PALM2AKAP2: variants seen among roughly 807,000 people sequenced by gnomAD.
The protein encoded by PALM2AKAP2 is PALM2 and AKAP2 fusion, also known as PALM2-AKAP2 fusion protein.
Under a neutral mutation model 71.5 loss-of-function variants are expected in PALM2AKAP2, and 37 were observed. The ratio of observed to expected loss-of-function variants is 0.52; its 90% CI spans 0.40 to 0.68. The LOEUF (loss-of-function observed/expected upper bound fraction) is 0.68. Among genes scored for constraint, PALM2AKAP2 ranks in the 30% least tolerant of loss-of-function variants. The probability of loss-of-function intolerance (pLI) is 0.00; values close to 1 mark genes in which losing one functional copy is unlikely to be tolerated. For synonymous variants in PALM2AKAP2, 468 were observed against 478.8 expected (o/e 0.98, Z 0.29); for missense variants, 1,224 against 1,191.8 (o/e 1.03, Z -0.40).
At chr9:110,118,208 T>TACACACAC (rs112722146) in intron 1 of PALM2AKAP2, among the ~76,000 whole-genome samples, 1 of 149,068 alleles carries the variant, frequency 6.7e-6, no homozygotes, top group Non-Finnish European at 1.5e-5. Context: ...TACAGAAATA[T>TACACACAC]ACACACACAC....
At chr9:109,750,428 G>A (rs1456451667) in intron 1 of PALM2AKAP2, among the ~76,000 whole-genome samples, 2 of 151,976 alleles carry the variant, frequency 1.3e-5, no homozygotes, top group Non-Finnish European at 2.9e-5. Context: ...TAATGTAAAG[G>A]AAAAAGAGGA....
intron 1 of PALM2AKAP2, among the ~76,000 whole-genome samples, chr9:109,816,857 A>G (rs2131468185): frequency 6.6e-6 from 1 of 152,244 alleles, no homozygotes; most frequent in East Asian, 1.9e-4. Context: ...AAAGTGCCAA[A>G]CCCACTTCCT....
chr9:109,942,962 A>G, intron 6 of PALM2AKAP2: 1 of 1,614,210 alleles, frequency 6.2e-7, no homozygotes, highest in Non-Finnish European at 8.5e-7. Context: ...GTGATTGCAG[A>G]TGGGAGCCTC....
At chr9:110,077,318 T>G (rs146911386) in intron 1 of PALM2AKAP2, among the ~76,000 whole-genome samples, 1 of 152,188 alleles carries the variant, frequency 6.6e-6, no homozygotes, top group African/African-American at 2.4e-5. Flanking sequence ...ACTTGGCACA[T>G]TGCAAGTACA....
chr9:110,135,152 C>CCA (rs1835819218), intron 1 of PALM2AKAP2, among the ~76,000 whole-genome samples: 1 of 27,030 alleles, frequency 3.7e-5, no homozygotes, highest in Admixed American at 4.1e-4. Context: ...TCTGTCTCTA[C>CCA]AAAAAAAAAA....
rs189771566 is a variant in PALM2AKAP2 at position 110,171,187 on chromosome 9, G to T, written c.*2690G>T. ...TACAGCTAAGAGAAAAGCTTAAGAGGCCACACTATTCGCGGAATGGCTTTA... is the reference window on the plus strand; with the variant it reads ...TACAGCTAAGAGAAAAGCTTAAGAGTCCACACTATTCGCGGAATGGCTTTA... On this transcript the variant is annotated 3_prime_UTR_variant, in exon 4 of 4. Coordinates refer to ENST00000374525, the Ensembl canonical transcript of PALM2AKAP2. The T allele has an allele frequency of 5.9e-5, 9 of 152,328 alleles. No homozygotes were observed. The East Asian group carries it at 1.7e-3, about 29-fold the overall frequency. The allele number at this position is 152,328 out of a possible 1,614,324, so 9.4% of individuals were successfully genotyped here.
intron 1 of PALM2AKAP2, among the ~76,000 whole-genome samples, chr9:109,856,303 A>T (rs1478792547): frequency 6.6e-6 from 1 of 152,266 alleles, no homozygotes; most frequent in Admixed American, 6.5e-5. Flanking sequence ...TAAATTATCT[A>T]TTAGCAGCAG....
chr9:109,954,658 T>A (rs1046413881), intron 6 of PALM2AKAP2, among the ~76,000 whole-genome samples: 82 of 107,842 alleles, frequency 7.6e-4, no homozygotes, highest in South Asian at 1.6e-3. Flanking sequence ...TAAAGTATAA[T>A]AAAAAAAAAA....
chr9:110,002,817 G>A (rs1468097901), intron 6 of PALM2AKAP2, among the ~76,000 whole-genome samples: 4 of 152,124 alleles, frequency 2.6e-5, no homozygotes, highest in Non-Finnish European at 5.9e-5. Context: ...GTTTATTTGT[G>A]TAGAGGTGTT....
At chr9:109,740,315 GT>G in intron 1 of PALM2AKAP2, among the ~76,000 whole-genome samples, 1 of 152,304 alleles carries the variant, frequency 6.6e-6, no homozygotes, top group Non-Finnish European at 1.5e-5. Context: ...TGTGTCAGAT[GT>G]TGATGAGTAC....
intron 6 of PALM2AKAP2, chr9:109,942,760 A>T: frequency 6.2e-7 from 1 of 1,613,968 alleles, no homozygotes; most frequent in South Asian, 1.1e-5. Context: ...TACATCTACC[A>T]TTGGCCCAGA....
At chr9:109,690,717 T>C (rs183883100) in intron 1 of PALM2AKAP2, among the ~76,000 whole-genome samples, 26 of 152,312 alleles carry the variant, frequency 1.7e-4, no homozygotes, top group African/African-American at 5.5e-4. Flanking sequence ...GCTGAATTAG[T>C]ATAGCTTACA....
chr9:109,867,196 GTGTGTGTGTC>G (rs1273589615), intron 1 of PALM2AKAP2: 12 of 428,924 alleles, frequency 2.8e-5, no homozygotes, highest in African/African-American at 1.7e-4. Flanking sequence ...GTGTGTGTGT[GTGTGTGTGTC>G]TGTGTGTGTG....
intron 6 of PALM2AKAP2, among the ~76,000 whole-genome samples, chr9:109,990,504 A>G (rs771114448): frequency 1.3e-5 from 2 of 152,162 alleles, no homozygotes; most frequent in African/African-American, 4.8e-5. Context: ...TAGTGACCCT[A>G]TGTAAGCGTA....
intron 1 of PALM2AKAP2, among the ~76,000 whole-genome samples, chr9:109,703,246 G>A (rs373536689): frequency 1.3e-5 from 2 of 152,264 alleles, no homozygotes; most frequent in East Asian, 3.9e-4. Flanking sequence ...CCAGTAAAAT[G>A]TATTCAGCAT....
chr9:110,013,107 G>T (rs1189329200), intron 6 of PALM2AKAP2, among the ~76,000 whole-genome samples: 1 of 152,202 alleles, frequency 6.6e-6, no homozygotes, highest in African/African-American at 2.4e-5. Flanking sequence ...TCCAGGTGCA[G>T]ATTGGATCCA....
At chr9:110,064,892 A>G (rs1203264671) in intron 1 of PALM2AKAP2, among the ~76,000 whole-genome samples, 2 of 152,206 alleles carry the variant, frequency 1.3e-5, no homozygotes, top group Non-Finnish European at 2.9e-5. Flanking sequence ...GGACCAGCCT[A>G]TGAGACAGGA....
chr9:109,798,582 C>T (rs1827330260), intron 1 of PALM2AKAP2, among the ~76,000 whole-genome samples: 1 of 152,112 alleles, frequency 6.6e-6, no homozygotes, highest in South Asian at 2.1e-4. Flanking sequence ...TTAAACATAC[C>T]CTCACCTAGC....
chr9:110,149,703 G>A lies in PALM2AKAP2; in HGVS notation c.2570-6616G>A, dbSNP rs144618776. Among the ~76,000 whole-genome samples, 573 of 152,298 alleles carry A rather than the reference G, an allele frequency of 3.8e-3. 4 individuals carry two copies. The highest frequency in any genetic ancestry group is 0.013 in the African/African-American group (529 of 41,546). On this transcript the variant is annotated intron_variant, in intron 2 of 3. Transcript: ENST00000374525. ...ACAGTGGCTCATGCCTGTAATGCCA[G>A]CACTTTGGGAAGCTGAGGCTAGAGA...
Sources: allele counts gnomAD v4.1 joint callset (sites outside exome capture counted in the v4.1 genomes callset), GRCh38; gene constraint gnomAD v4.1.1; transcripts MANE v1.5; gene names NCBI Gene and HGNC (gene_info 2026-07-23, HGNC 2026-07-21).